The following PIGN variants were observed in gnomAD, a reference collection of about 807,000 sequenced individuals.
PIGN encodes the protein phosphatidylinositol glycan anchor biosynthesis class N.
PIGN carries 117 observed loss-of-function variants against 125.4 expected under a neutral mutation model. The observed-to-expected ratio is 0.93, with a 90% CI of 0.80 to 1.09. PIGN has a LOEUF of 1.09. Among genes scored for constraint, PIGN ranks in the 50% least tolerant of loss-of-function variants. PIGN has a pLI of 0.00. For missense variants in PIGN, 1,075 were observed against 1,094.9 expected (o/e 0.98, Z 0.26); for synonymous variants, 392 against 377.8 (o/e 1.04, Z -0.44).
intron 14 of PIGN, among the ~76,000 whole-genome samples, chr18:62,125,779 C>T (rs750727912): frequency 9.2e-5 from 14 of 151,854 alleles, no homozygotes; most frequent in Admixed American, 2.0e-4. Flanking sequence ...TATTCTATTA[C>T]GAAAAAACTT....
At chr18:62,169,664 A>G (rs540064103) in intron 1 of PIGN, among the ~76,000 whole-genome samples, 15 of 152,116 alleles carry the variant, frequency 9.9e-5, no homozygotes, top group Non-Finnish European at 1.5e-4. Context: ...TCTGTTGCCC[A>G]GGCTGCAGTG....
At chr18:62,132,763 A>G (rs575161538) in intron 14 of PIGN, among the ~76,000 whole-genome samples, 1 of 152,306 alleles carries the variant, frequency 6.6e-6, no homozygotes, top group East Asian at 1.9e-4. Context: ...TATTTTATAG[A>G]CCTCACACTT....
intron 10 of PIGN, among the ~76,000 whole-genome samples, chr18:62,144,081 TTGA>T (rs2036233509): frequency 6.6e-6 from 1 of 152,184 alleles, no homozygotes; most frequent in Non-Finnish European, 1.5e-5. Flanking sequence ...CACTAATCAG[TTGA>T]TGAAAAAATG....
At chr18:62,116,654 T>C (rs1238715464) in intron 14 of PIGN, among the ~76,000 whole-genome samples, 1 of 152,216 alleles carries the variant, frequency 6.6e-6, no homozygotes, top group Admixed American at 6.5e-5. Context: ...TTCAATTAAA[T>C]TTTAGCCTCC....
At chr18:62,146,772 T>C (rs1279901337) in intron 9 of PIGN, among the ~76,000 whole-genome samples, 199 bp downstream of exon 9, 3 of 152,216 alleles carry the variant, frequency 2.0e-5, no homozygotes, top group South Asian at 2.1e-4. Context: ...TAAATGAGAA[T>C]ATATTCGTTT....
rs1454457410 is a variant in PIGN at position 62,138,230 on chromosome 18, G to A, written c.1172+13C>T. 2 of 1,541,544 alleles carry A rather than the reference G, an allele frequency of 1.3e-6. No individual in the cohort carries two copies. Among genetic ancestry groups the A allele is most frequent in the Admixed American group, 2.1e-5 (1 of 48,552 alleles). Reference sequence around the variant, plus strand: ...CTTTCCTTCAAGTTAATAAAAAAATGTAAGGGACTTACTTAAATGGTGTAA... The same window carrying A: ...CTTTCCTTCAAGTTAATAAAAAAATATAAGGGACTTACTTAAATGGTGTAA... On this transcript the variant is annotated intron_variant, in intron 14 of 30. Transcript: ENST00000640252.
intron 30 of PIGN, chr18:62,059,195 A>AG (rs2030945763): frequency 6.8e-6 from 1 of 146,716 alleles, no homozygotes; most frequent in South Asian, 2.1e-4. Context: ...AAAAAAAAAA[A>AG]AAACACTGGA....
intron 30 of PIGN, among the ~76,000 whole-genome samples, chr18:62,070,801 CTAAT>C (rs965621472): frequency 5.4e-5 from 8 of 148,060 alleles, no homozygotes; most frequent in East Asian, 3.9e-4. Context: ...TTTTAATTAA[CTAAT>C]TAATTAATTT....
rs539734782 is a variant in PIGN, at chr18:62,143,689, C to A, written c.923-343G>T. 1.0e-3 allele frequency among the ~76,000 whole-genome samples: 159 copies of A among 152,232 alleles called. 1 individual carries two copies. The highest frequency in any genetic ancestry group is 2.1e-3 in the Admixed American group (32 of 15,292). On this transcript the variant is annotated intron_variant, in intron 10 of 30. Coordinates refer to ENST00000640252, the MANE Select transcript of PIGN (RefSeq NM_176787.5). ...GTCAGCATTGACAACTCATTACAAT[C>A]CTGTTCTAGAGAGTTATTAAGGCAA...
chr18:62,081,170 T>A (rs547973456), intron 28 of PIGN, among the ~76,000 whole-genome samples: 4 of 152,268 alleles, frequency 2.6e-5, no homozygotes, highest in African/African-American at 7.2e-5. Context: ...TTAGTATATA[T>A]ATCCACCCCC....
chr18:62,047,708 A>C (rs956089349), intron 30 of PIGN, among the ~76,000 whole-genome samples: 5 of 152,198 alleles, frequency 3.3e-5, no homozygotes, highest in Admixed American at 2.6e-4. Context: ...GGAATGTCAG[A>C]AGCCAGTTAA....
chr18:62,084,555 C>G lies in PIGN; in HGVS notation c.2478G>C (p.Met826Ile). ...CCTTCCACATCATCAGGGCTCCCAT[C>G]ATAAAAGGACTGAACACAGTCAGAA... ...YCFLTVFSPF[M>I]MGALMMWKIL... The change falls in exon 27 of 31, where the codon ATG becomes ATC. Residue 826 changes from methionine to isoleucine, a missense_variant. By Grantham distance (10) the Met-to-Ile change is conservative. Coordinates refer to ENST00000640252, the MANE Select transcript of PIGN (RefSeq NM_176787.5). 6.4e-7 allele frequency: 1 copy of G among 1,557,286 alleles called. No homozygotes were observed. Among genetic ancestry groups the G allele is most frequent in the Non-Finnish European group, 8.7e-7 (1 of 1,149,026 alleles).
intron 1 of PIGN, among the ~76,000 whole-genome samples, chr18:62,179,799 A>G (rs2037654871): frequency 6.6e-6 from 1 of 152,156 alleles, no homozygotes; most frequent in African/African-American, 2.4e-5. Context: ...CTACAAGATT[A>G]CATTAATATT....
chr18:62,051,425 C>G (rs1430331281), intron 30 of PIGN, among the ~76,000 whole-genome samples: 2 of 152,184 alleles, frequency 1.3e-5, no homozygotes, highest in Middle Eastern at 3.4e-3. Context: ...CTGGTTTAGT[C>G]TTGGGAGGGT....
intron 14 of PIGN, among the ~76,000 whole-genome samples, chr18:62,117,756 T>C (rs1195571027): frequency 6.6e-6 from 1 of 152,114 alleles, no homozygotes; most frequent in Admixed American, 6.6e-5. Context: ...TTCTGTCAAT[T>C]CTTGTCTACG....
intron 16 of PIGN, chr18:62,112,931 T>C (rs2034936449): frequency 2.0e-6 from 1 of 511,356 alleles, no homozygotes. Context: ...TCTTAAGTTA[T>C]AGGATCATTA....
At chr18:62,112,330 A>C (rs1231266682) in intron 16 of PIGN, among the ~76,000 whole-genome samples, 1 of 152,212 alleles carries the variant, frequency 6.6e-6, no homozygotes, top group Admixed American at 6.5e-5. Flanking sequence ...ATATCTGCAG[A>C]CTATTATTAA....
At chr18:62,121,058 T>G (rs1219709681) in intron 14 of PIGN, among the ~76,000 whole-genome samples, 1 of 152,152 alleles carries the variant, frequency 6.6e-6, no homozygotes, top group Non-Finnish European at 1.5e-5. Flanking sequence ...TATACTAATA[T>G]AAGTCCAGGC....
chr18:62,167,288 G>A (rs60700511), intron 1 of PIGN, among the ~76,000 whole-genome samples: 19 of 424 alleles, frequency 0.045, no homozygotes, highest in Admixed American at 0.068. Flanking sequence ...AGATATATAT[G>A]TGTGTGTGTG....
Sources: allele counts gnomAD v4.1 joint callset (sites outside exome capture counted in the v4.1 genomes callset), GRCh38; gene constraint gnomAD v4.1.1; transcripts MANE v1.5; gene names NCBI Gene and HGNC (gene_info 2026-07-23, HGNC 2026-07-21).